ATP2B2: variants seen among roughly 807,000 people sequenced by gnomAD.
ATP2B2 encodes the protein ATPase plasma membrane Ca2+ transporting 2, also known as plasma membrane calcium-transporting ATPase 2.
Under a neutral mutation model 120.0 loss-of-function variants are expected in ATP2B2, and 15 were observed. The ratio of observed to expected loss-of-function variants is 0.12; its 90% confidence interval spans 0.08 to 0.19. The LOEUF (loss-of-function observed/expected upper bound fraction) is 0.19. Ranked by LOEUF, ATP2B2 falls within the 10% of genes least tolerant of loss-of-function variation. The pLI is 1.00. For missense variants in ATP2B2, 1,045 were observed against 1,719.8 expected, an observed-to-expected ratio of 0.61 and a Z score of 6.94; for synonymous variants, 694 against 700.3, an observed-to-expected ratio of 0.99 and a Z score of 0.14.
intron 1 of ATP2B2, among the ~76,000 whole-genome samples, chr3:10,679,443 G>A (rs543115657): frequency 3.2e-4 from 49 of 152,290 alleles, no homozygotes; most frequent in African/African-American, 1.2e-3. Context: ...TGTTCAGTAC[G>A]AATGTTCTGA....
chr3:10,448,966 C>T (rs1254332668), intron 2 of ATP2B2, among the ~76,000 whole-genome samples: 1 of 152,220 alleles, frequency 6.6e-6, no homozygotes, highest in East Asian at 1.9e-4. Flanking sequence ...GGCCTGGGTG[C>T]AGGTTCCATG....
At chr3:10,696,012 G>A (rs1037966675) in intron 1 of ATP2B2, among the ~76,000 whole-genome samples, 10 of 152,140 alleles carry the variant, frequency 6.6e-5, no homozygotes, top group Non-Finnish European at 1.3e-4. Flanking sequence ...CACCCACTCT[G>A]AGTAAGGAAC....
Position 10,351,579 on chromosome 3 carries a change from A to G in ATP2B2, c.2137-1002T>C, listed in dbSNP as rs558888964. On this transcript the variant is annotated intron_variant, in intron 14 of 22. Transcript: ENST00000360273. ...CCACCTGCCAAGCCACTGCTGAGGG[A>G]GTTGGAAGACTATGGATTGAGTTGT... is the stretch of plus-strand genomic sequence containing the variant. Among the ~76,000 whole-genome samples, 120 of 152,208 alleles carry G rather than the reference A, an allele frequency of 7.9e-4. 1 individual carries two copies. The highest frequency in any genetic ancestry group is 2.8e-3 in the African/African-American group (118 of 41,522).
chr3:10,556,456 G>A lies in ATP2B2; in HGVS notation c.-414-22323C>T, dbSNP rs534364227. On this transcript the variant is annotated intron_variant, in intron 2 of 21. Transcript: ENST00000646379. ...TTGACTGTGTCAGGAGAGGATTGCC[G>A]TTGTGAAGCACAAGGCAGGGCGAGT... is the stretch of plus-strand genomic sequence containing the variant. 2.6e-4 allele frequency among the ~76,000 whole-genome samples: 39 copies of A among 152,334 alleles called. No individual in the cohort carries two copies. In the East Asian group the frequency reaches 4.3e-3, roughly 17 times the overall value.
chr3:10,351,725 AATCCAACAGGAATGGTGTCCTT>A (rs895232189), intron 14 of ATP2B2, among the ~76,000 whole-genome samples: 1 of 152,230 alleles, frequency 6.6e-6, no homozygotes, highest in African/African-American at 2.4e-5. Flanking sequence ...GGTAAGCCCT[AATCCAACAGGAATGGTGTCCTT>A]ATAAAGAGGA....
chr3:10,406,383 T>C (rs879698500), intron 3 of ATP2B2, among the ~76,000 whole-genome samples: 7 of 152,182 alleles, frequency 4.6e-5, no homozygotes, highest in African/African-American at 7.2e-5. Flanking sequence ...TCAGCAAACA[T>C]AGTCATGAGC....
Position 10,328,620 on chromosome 3 carries a change from G to T in ATP2B2, c.*194C>A. 1 of 648,254 alleles carries T rather than the reference G, an allele frequency of 1.5e-6. No homozygotes were observed. Among genetic ancestry groups the T allele is most frequent in the South Asian group, 2.1e-5 (1 of 48,610 alleles). The allele number at this position is 648,254 out of a possible 1,614,324, so 40.2% of individuals were successfully genotyped here. A position where few individuals can be genotyped will look rare whatever the true frequency, so the allele number is the denominator to read the frequency against. On this transcript the variant is annotated 3_prime_UTR_variant, in exon 23 of 23. Coordinates refer to ENST00000360273, the MANE Select transcript of ATP2B2 (RefSeq NM_001001331.4). The stretch of plus-strand genomic sequence containing the variant: ...GAGATCCCGCCCCTTGCCTTGAAGT[G>T]AAAAAGAGTTCAAACAGCATCGCAG...
At chr3:10,419,176 A>G (rs2062888078) in intron 2 of ATP2B2, among the ~76,000 whole-genome samples, 1 of 152,210 alleles carries the variant, frequency 6.6e-6, no homozygotes. Flanking sequence ...TGGGGACCAG[A>G]GATGGGGATG....
intron 2 of ATP2B2, among the ~76,000 whole-genome samples, chr3:10,534,871 C>G (rs1321423487): frequency 6.7e-6 from 1 of 149,566 alleles, no homozygotes; most frequent in Non-Finnish European, 1.5e-5. Context: ...CTCTCTCTCT[C>G]TCTCAATCCA....
intron 1 of ATP2B2, among the ~76,000 whole-genome samples, chr3:10,680,151 T>A (rs997890035): frequency 5.3e-5 from 8 of 152,142 alleles, no homozygotes; most frequent in African/African-American, 1.9e-4. Context: ...AATAATATCT[T>A]GAAGATCCCT....
At chr3:10,345,604 G>T (rs1374439791) in intron 17 of ATP2B2, 29 bp from the exon 18 acceptor site, 1 of 1,608,082 alleles carries the variant, frequency 6.2e-7, no homozygotes, top group Admixed American at 1.7e-5. Flanking sequence ...GAGGCTGGGT[G>T]GGGTGGCCGG....
Position 10,375,427 on chromosome 3 carries a change from C to T in ATP2B2, c.1416+3G>A, listed in dbSNP as rs776047086. On this transcript the variant is annotated splice_donor_region_variant and intron_variant, in intron 11 of 22. Transcript: ENST00000360273. The surrounding 1 kb of genome is among the most constrained non-coding windows in gnomAD (Gnocchi z 4.2). ...GGCTGGTCCTGCTCTCCTCCCCTCT[C>T]ACCTTCACCGAATAGGCCAACGAGA... The T allele has an allele frequency of 6.2e-7, 1 of 1,610,380 alleles. No individual in the cohort carries two copies. The highest frequency in any genetic ancestry group is 8.5e-7 in the Non-Finnish European group (1 of 1,178,942).
At chr3:10,553,482 A>G (rs1268520276) in intron 2 of ATP2B2, among the ~76,000 whole-genome samples, 2 of 152,258 alleles carry the variant, frequency 1.3e-5, no homozygotes, top group African/African-American at 4.8e-5. Context: ...TTGATGTTCC[A>G]ACTCTTGAGA....
In ATP2B2 at chr3:10,377,320, G is replaced by A. The variant is rs945513363; in HGVS notation, c.1201+932C>T. Among the ~76,000 whole-genome samples the A allele has an allele frequency of 4.6e-5, 7 of 152,178 alleles. No individual in the cohort carries two copies. In the East Asian group the frequency reaches 7.7e-4, roughly 17 times the overall value. On this transcript the variant is annotated intron_variant, in intron 10 of 22. Transcript: ENST00000360273. ...CCGGCTCCATCCCTGTCTGACAGTC[G>A]GAGGGGCTGGAAGCCAAGCTCCCAG...
intron 2 of ATP2B2, among the ~76,000 whole-genome samples, chr3:10,546,712 A>G (rs1262551851): frequency 2.6e-5 from 4 of 152,202 alleles, no homozygotes; most frequent in Non-Finnish European, 5.9e-5. Context: ...AGAGGCCACT[A>G]GCCTGTCAAA....
intron 2 of ATP2B2, among the ~76,000 whole-genome samples, chr3:10,415,706 C>T (rs1026726158): frequency 2.0e-5 from 3 of 152,104 alleles, no homozygotes; most frequent in South Asian, 2.1e-4. Flanking sequence ...AGATGAATGG[C>T]GTTCGAGATT....
Position 10,443,387 on chromosome 3 carries a change from C to T in ATP2B2, c.199+5958G>A, listed in dbSNP as rs540195490. Among the ~76,000 whole-genome samples, 5 of 152,256 alleles carry T rather than the reference C, an allele frequency of 3.3e-5. No individual in the cohort carries two copies. In the South Asian group the frequency reaches 1.0e-3, roughly 32 times the overall value. ...GGTTGAGCATGTGACCAGGTCTGAT[C>T]TATCAGCCCACTCCATCTTTAAGCT... is the stretch of plus-strand genomic sequence containing the variant. On this transcript the variant is annotated intron_variant, in intron 2 of 22. Coordinates refer to ENST00000360273, the MANE Select transcript of ATP2B2 (RefSeq NM_001001331.4).
At chr3:10,412,150 C>T (rs1192570500) in intron 2 of ATP2B2, among the ~76,000 whole-genome samples, 1 of 152,266 alleles carries the variant, frequency 6.6e-6, no homozygotes, top group Non-Finnish European at 1.5e-5. Context: ...ACACTGTGCC[C>T]ATGCTGTGCC....
chr3:10,461,756 G>A (rs748554787), intron 1 of ATP2B2, among the ~76,000 whole-genome samples: 3 of 152,092 alleles, frequency 2.0e-5, no homozygotes, highest in Non-Finnish European at 2.9e-5. Flanking sequence ...ACACTTTCCT[G>A]GTTTTGGGTT....
Sources: allele counts gnomAD v4.1 joint callset (sites outside exome capture counted in the v4.1 genomes callset), GRCh38; gene constraint gnomAD v4.1.1; non-coding constraint Gnocchi (gnomAD v3.1); transcripts MANE v1.5; gene names NCBI Gene and HGNC (gene_info 2026-07-23, HGNC 2026-07-21).